DPP6: variants seen among roughly 807,000 people sequenced by gnomAD.
DPP6 encodes the protein A-type potassium channel modulatory protein DPP6.
Under a neutral mutation model 122.6 loss-of-function variants are expected in DPP6, and 69 were observed. The ratio of observed to expected loss-of-function variants is 0.56; its 90% CI spans 0.46 to 0.69. The LOEUF is 0.69. Among genes scored for constraint, DPP6 ranks in the 30% least tolerant of loss-of-function variants. The pLI is 0.00. For synonymous variants in DPP6, 418 were observed against 433.1 expected (o/e 0.97, Z 0.43); for missense variants, 928 against 1,116.9 (o/e 0.83, Z 2.41).
chr7:154,551,774 A>G (rs1420823256), intron 4 of DPP6, among the ~76,000 whole-genome samples: 1 of 151,858 alleles, frequency 6.6e-6, no homozygotes, highest in Non-Finnish European at 1.5e-5. Context: ...TCTGCCTAAG[A>G]AATGTATGGG....
At chr7:154,328,717 G>A (rs983079355) in intron 1 of DPP6, among the ~76,000 whole-genome samples, 13 of 152,322 alleles carry the variant, frequency 8.5e-5, no homozygotes, top group African/African-American at 2.6e-4. Flanking sequence ...AATGGAGGGT[G>A]TACATGGTAT....
chr7:154,794,290 TCGGGC>T, intron 11 of DPP6, 88 bp downstream of exon 11: 1 of 1,445,762 alleles, frequency 6.9e-7, no homozygotes, highest in Admixed American at 2.4e-5. Flanking sequence ...GTCTCAGCCC[TCGGGC>T]CTGGGACTTG....
chr7:153,905,379 G>A (rs1266706198), intron 1 of DPP6, among the ~76,000 whole-genome samples: 7 of 152,068 alleles, frequency 4.6e-5, no homozygotes, highest in Non-Finnish European at 1.0e-4. Flanking sequence ...TGCTTCTGAG[G>A]CCTTCATTTT....
In DPP6 at chr7:154,510,965, CACACACAG is replaced by C. The variant is rs759531696; in HGVS notation, c.458-29565_458-29558del. On this transcript the variant is annotated intron_variant, in intron 3 of 25. Coordinates refer to ENST00000377770, the MANE Select transcript of DPP6 (RefSeq NM_130797.4). ...ACACACACACACACACACACACACA[CACACACAG>C]AGAGAGAGAGAGCAAGGAAAAGATA... is the stretch of plus-strand genomic sequence containing the variant. 2.0e-3 allele frequency among the ~76,000 whole-genome samples: 240 copies of C among 119,374 alleles called. 4 individuals are homozygous for C. Among genetic ancestry groups the C allele is most frequent in the African/African-American group, 3.3e-3 (110 of 33,244 alleles). The allele number at this position is 119,374 out of a possible 152,430, so 78.3% of individuals were successfully genotyped here.
At chr7:153,881,472 T>C in the DPP6 span, among the ~76,000 whole-genome samples, 1 of 152,242 alleles carries the variant, frequency 6.6e-6, no homozygotes, top group Non-Finnish European at 1.5e-5. Context: ...GGCTCTTCTC[T>C]AATCCTTACT....
intron 21 of DPP6, among the ~76,000 whole-genome samples, chr7:154,881,432 G>C (rs900250909): frequency 6.6e-6 from 1 of 152,210 alleles, no homozygotes; most frequent in Non-Finnish European, 1.5e-5. Flanking sequence ...GGACAGCTCA[G>C]CTGTAGCTGA....
chr7:154,433,655 C>T (rs1818631132), intron 1 of DPP6, among the ~76,000 whole-genome samples: 1 of 152,180 alleles, frequency 6.6e-6, no homozygotes, highest in Non-Finnish European at 1.5e-5. Flanking sequence ...AAACACTCCT[C>T]ATAATGTCAA....
Position 154,229,704 on chromosome 7 carries a change from G to A in DPP6, c.243+176641G>A, listed in dbSNP as rs192061495. 3.4e-4 allele frequency among the ~76,000 whole-genome samples: 51 copies of A among 151,960 alleles called. No individual in the cohort carries two copies. The East Asian group carries it at 8.3e-3, about 25-fold the overall frequency. On this transcript the variant is annotated intron_variant, in intron 1 of 25. Transcript: ENST00000377770. ...GCATCAATTATTACACCATTCTTCC[G>A]TCCAAGCTTCACCATAAATTTGATG...
At chr7:154,488,696 C>G (rs773050717) in intron 3 of DPP6, among the ~76,000 whole-genome samples, 1 of 152,140 alleles carries the variant, frequency 6.6e-6, no homozygotes, top group Non-Finnish European at 1.5e-5. Context: ...GCCATCGTCT[C>G]TACACAGCCC....
chr7:154,256,284 G>A (rs1177912841), intron 1 of DPP6, among the ~76,000 whole-genome samples: 1 of 152,196 alleles, frequency 6.6e-6, no homozygotes, highest in African/African-American at 2.4e-5. Flanking sequence ...AAACTACAGT[G>A]TGCAAAATAT....
intron 1 of DPP6, among the ~76,000 whole-genome samples, chr7:153,922,313 C>A (rs1800677019): frequency 1.3e-5 from 2 of 152,104 alleles, no homozygotes; most frequent in African/African-American, 4.8e-5. Flanking sequence ...CCAGGCTGGG[C>A]AACATAGTGA....
chr7:154,090,197 A>C (rs1034727672), intron 1 of DPP6, among the ~76,000 whole-genome samples: 9 of 151,988 alleles, frequency 5.9e-5, no homozygotes, highest in African/African-American at 2.2e-4. Flanking sequence ...AGTAGCCTTC[A>C]TCTTTCCCAG....
the DPP6 span, among the ~76,000 whole-genome samples, chr7:153,800,750 C>T: frequency 6.6e-6 from 1 of 151,920 alleles, no homozygotes; most frequent in African/African-American, 2.4e-5. Context: ...CTCCTGACCT[C>T]AAGTGATCTA....
intron 1 of DPP6, among the ~76,000 whole-genome samples, chr7:153,959,379 G>A (rs893208988): frequency 6.6e-6 from 1 of 152,048 alleles, no homozygotes; most frequent in African/African-American, 2.4e-5. Flanking sequence ...TATTTTGGAG[G>A]GACTCAAACT....
At chr7:154,339,211 A>C (rs1401111432) in intron 1 of DPP6, among the ~76,000 whole-genome samples, 2 of 152,248 alleles carry the variant, frequency 1.3e-5, no homozygotes, top group Non-Finnish European at 2.9e-5. Context: ...CGCGTTAAGC[A>C]GTGCGTGCAA....
At chr7:154,073,661 T>C (rs1803293370) in intron 1 of DPP6, among the ~76,000 whole-genome samples, 1 of 152,270 alleles carries the variant, frequency 6.6e-6, no homozygotes, top group Non-Finnish European at 1.5e-5. Flanking sequence ...GAATAAAACC[T>C]TTCATTTCTT....
chr7:154,189,255 A>G (rs1798498427), intron 1 of DPP6, among the ~76,000 whole-genome samples: 1 of 152,264 alleles, frequency 6.6e-6, no homozygotes, highest in Non-Finnish European at 1.5e-5. Context: ...CAACAGTGCT[A>G]CAAATCAGAA....
intron 1 of DPP6, among the ~76,000 whole-genome samples, chr7:154,216,185 C>G (rs1030899375): frequency 6.6e-6 from 1 of 152,320 alleles, no homozygotes; most frequent in African/African-American, 2.4e-5. Context: ...TGAGCTAACT[C>G]AGGGAGGAGA....
chr7:153,914,655 C>T (rs575953133), intron 1 of DPP6, among the ~76,000 whole-genome samples: 16 of 152,336 alleles, frequency 1.1e-4, no homozygotes, highest in Admixed American at 3.3e-4. Context: ...AACTTCATCT[C>T]ATCTCATGAG....
Sources: allele counts gnomAD v4.1 joint callset (sites outside exome capture counted in the v4.1 genomes callset), GRCh38; gene constraint gnomAD v4.1.1; transcripts MANE v1.5; gene names NCBI Gene and HGNC (gene_info 2026-07-23, HGNC 2026-07-21).